The following PLEKHA6 variants were observed in gnomAD, a reference collection of about 807,000 sequenced individuals.
The protein encoded by PLEKHA6 is pleckstrin homology domain containing A6.
Under a neutral mutation model 116.7 loss-of-function variants are expected in PLEKHA6, and 60 were observed. The observed-to-expected ratio is 0.51, with a 90% CI of 0.42 to 0.64. PLEKHA6 has a LOEUF of 0.64. Among genes scored for constraint, PLEKHA6 ranks in the 30% least tolerant of loss-of-function variants. The probability of loss-of-function intolerance (pLI) is 0.00; values close to 1 mark genes in which losing one functional copy is unlikely to be tolerated. For synonymous variants in PLEKHA6, 489 were observed against 556.1 expected (o/e 0.88, Z 1.70); for missense variants, 1,338 against 1,422.7 (o/e 0.94, Z 0.96).
chr1:204,228,037 C>T lies in PLEKHA6; in HGVS notation c.3031+46G>A. The T allele has an allele frequency of 6.3e-7, 1 of 1,596,124 alleles. No homozygotes were observed. Among genetic ancestry groups the T allele is most frequent in the Non-Finnish European group, 8.5e-7 (1 of 1,171,660 alleles). On this transcript the variant is annotated intron_variant, in intron 21 of 22. Coordinates refer to ENST00000272203, the MANE Select transcript of PLEKHA6 (RefSeq NM_014935.5). This position sits in a 1 kb window ranked among gnomAD's most constrained non-coding sequence, Gnocchi z 4.0. ...CCACGCTTCCTCCCTTAAACCTGGT[C>T]AGCTGGTTTCCCTGGCAGGGTGGAG...
chr1:204,236,594 C>T (rs1401205824), intron 17 of PLEKHA6, among the ~76,000 whole-genome samples: 1 of 152,112 alleles, frequency 6.6e-6, no homozygotes, highest in Admixed American at 6.5e-5. Flanking sequence ...TGGCAGGGTC[C>T]AAGTGGTGGC....
chr1:204,285,630 C>G (rs1163381088), intron 1 of PLEKHA6, among the ~76,000 whole-genome samples: 2 of 152,148 alleles, frequency 1.3e-5, no homozygotes, highest in African/African-American at 4.8e-5. Context: ...CACGGGCCAC[C>G]ACGCTTGGCT....
At chr1:204,283,918 A>T (rs1668902644) in intron 1 of PLEKHA6, among the ~76,000 whole-genome samples, 1 of 152,050 alleles carries the variant, frequency 6.6e-6, no homozygotes, top group Non-Finnish European at 1.5e-5. Context: ...CCAGCACCTC[A>T]CACACAGGGG....
At chr1:204,274,659 T>A in intron 2 of PLEKHA6, 70 bp downstream of exon 2, 1 of 985,838 alleles carries the variant, frequency 1.0e-6, no homozygotes, top group Non-Finnish European at 1.2e-6. Context: ...GCTTTCCAGC[T>A]GCAAGGAGGC....
Position 204,259,553 on chromosome 1 carries a change from C to A in PLEKHA6, c.712G>T (p.Gly238Cys). Residue 238 changes from glycine (G) to cysteine (C), a missense_variant, in exon 8 of 23, where the codon GGC (glycine) becomes TGC (cysteine). Transcript: ENST00000272203. This position sits in a 1 kb window ranked among gnomAD's most constrained non-coding sequence, Gnocchi z 4.6. The part of the protein sequence containing the change: ...VKKEPPVKAN[G>C]LPAGPEPASE... ...GCTGGCTCCGGTCCAGCTGGGAGGCCATTGGCTTTCACCGGAGGCTCTTTC... is the reference window on the plus strand; with the variant it reads ...GCTGGCTCCGGTCCAGCTGGGAGGCAATTGGCTTTCACCGGAGGCTCTTTC... The A allele has an allele frequency of 6.2e-7, 1 of 1,614,106 alleles. No individual in the cohort carries two copies. Among genetic ancestry groups the A allele is most frequent in the Non-Finnish European group, 8.5e-7 (1 of 1,180,040 alleles).
At chr1:204,260,385 C>T (rs758853629) in intron 7 of PLEKHA6, among the ~76,000 whole-genome samples, 2 of 152,240 alleles carry the variant, frequency 1.3e-5, no homozygotes, top group African/African-American at 2.4e-5. Flanking sequence ...TCTTCCAGGA[C>T]TGACTTTCCA....
At chr1:204,273,867 C>G in intron 2 of PLEKHA6, 127 bp from the exon 3 acceptor site, 1 of 671,044 alleles carries the variant, frequency 1.5e-6, no homozygotes, top group Non-Finnish European at 2.7e-6. Flanking sequence ...CTCTTGAGTG[C>G]CATTGAGGGG....
intron 6 of PLEKHA6, among the ~76,000 whole-genome samples, chr1:204,263,354 C>T (rs151252694): frequency 7.2e-5 from 11 of 152,320 alleles, no homozygotes; most frequent in East Asian, 1.9e-4. Flanking sequence ...AGGCATTCAG[C>T]GGTAGCCTGG....
chr1:204,317,561 C>T (rs532126515), intron 1 of PLEKHA6, among the ~76,000 whole-genome samples: 2 of 152,308 alleles, frequency 1.3e-5, no homozygotes, highest in South Asian at 2.1e-4. Flanking sequence ...CACCTTTGAA[C>T]ACAAGCCACA....
At chr1:204,341,870 A>C (rs938714737) in intron 1 of PLEKHA6, among the ~76,000 whole-genome samples, 1 of 152,236 alleles carries the variant, frequency 6.6e-6, no homozygotes, top group Non-Finnish European at 1.5e-5. Context: ...TGGGGAAAAC[A>C]TAAGTACAAT....
chr1:204,293,641 T>G (rs1372524509), intron 1 of PLEKHA6, among the ~76,000 whole-genome samples: 1 of 152,228 alleles, frequency 6.6e-6, no homozygotes, highest in Non-Finnish European at 1.5e-5. Flanking sequence ...TCATGAAATG[T>G]TTGCATTGAT....
intron 4 of PLEKHA6, 39 bp from the exon 5 acceptor site, chr1:204,267,586 C>A: frequency 6.4e-7 from 1 of 1,561,332 alleles, no homozygotes; most frequent in East Asian, 2.2e-5. Flanking sequence ...GGGCTGCAAG[C>A]TGGACGTGGA....
chr1:204,293,207 T>A (rs1424824081), intron 1 of PLEKHA6, among the ~76,000 whole-genome samples: 1 of 152,158 alleles, frequency 6.6e-6, no homozygotes, highest in Non-Finnish European at 1.5e-5. Context: ...CGATCTTGGC[T>A]CATTGCAACC....
chr1:204,307,830 C>T, intron 1 of PLEKHA6: 3 of 984,006 alleles, frequency 3.0e-6, no homozygotes, highest in Non-Finnish European at 3.6e-6. Context: ...TCCACTGTCT[C>T]TCCCAGCCCC....
intron 1 of PLEKHA6, among the ~76,000 whole-genome samples, chr1:204,337,230 G>A (rs1448191037): frequency 2.0e-5 from 3 of 152,150 alleles, no homozygotes; most frequent in Non-Finnish European, 4.4e-5. Context: ...ACTAGTGGAC[G>A]CCTAAACCAG....
Position 204,249,435 on chromosome 1 carries a change from G to A in PLEKHA6, c.1594-171C>T, listed in dbSNP as rs139910626. Among the ~76,000 whole-genome samples, 629 of 152,266 alleles carry A rather than the reference G, an allele frequency of 4.1e-3. 6 individuals are homozygous for A. Among genetic ancestry groups the A allele is most frequent in the Non-Finnish European group, 4.3e-3 (290 of 68,024 alleles). ...TGGTGGCTCCTGAGAACAAGAAGATGGGTCTTCATCTTGGGAGGTGAGGTA... is the reference window on the plus strand; with the variant it reads ...TGGTGGCTCCTGAGAACAAGAAGATAGGTCTTCATCTTGGGAGGTGAGGTA... On this transcript the variant is annotated intron_variant, in intron 10 of 22. Coordinates refer to ENST00000272203, the MANE Select transcript of PLEKHA6 (RefSeq NM_014935.5).
At chr1:204,349,671 G>A (rs1673210548) in intron 1 of PLEKHA6, among the ~76,000 whole-genome samples, 1 of 152,200 alleles carries the variant, frequency 6.6e-6, no homozygotes, top group African/African-American at 2.4e-5. Context: ...CTTGGCTCCA[G>A]GACTTGCTGC....
At position 204,257,512 on chromosome 1, in the gene PLEKHA6, A is replaced by G. The variant is rs1233828227; in HGVS notation, c.1365T>C (p.Ser455=). 6.3e-7 allele frequency: 1 copy of G among 1,589,632 alleles called. No homozygotes were observed. The highest frequency in any genetic ancestry group is 1.1e-5 in the South Asian group (1 of 87,934). ...RRLSLQPRSH[S]VPRSPSQGSY... is the part of the protein sequence containing the mutation. ...AGCCCTGGCTGGGTGAGCGGGGCAC[A>G]GAGTGGGAGCGGGGCTGCAGGGACA... is the stretch of plus-strand genomic sequence containing the variant. The change falls in exon 9 of 23, where the codon TCT becomes TCC. Residue 455 remains serine, a synonymous_variant. Coordinates refer to ENST00000272203, the MANE Select transcript of PLEKHA6 (RefSeq NM_014935.5). This position sits in a 1 kb window ranked among gnomAD's most constrained non-coding sequence, Gnocchi z 6.5.
At chr1:204,271,337 A>G (rs996553615) in intron 3 of PLEKHA6, among the ~76,000 whole-genome samples, 1 of 152,130 alleles carries the variant, frequency 6.6e-6, no homozygotes, top group African/African-American at 2.4e-5. Context: ...TTATCACCAG[A>G]GCCAGCAAGG....
Sources: gnomAD v4.1 joint callset for allele counts (sites outside exome capture counted in the v4.1 genomes callset) on GRCh38, gnomAD v4.1.1 for gene constraint, Gnocchi (gnomAD v3.1) non-coding constraint, MANE v1.5 for transcripts, NCBI Gene and HGNC (gene_info 2026-07-23, HGNC 2026-07-21) for gene names.